Variants in SOCS7 observed in about 807,000 individuals in gnomAD.
The protein encoded by SOCS7 is suppressor of cytokine signaling 7.
SOCS7 carries 18 observed loss-of-function variants against 58.9 expected under a neutral mutation model. The observed-to-expected ratio is 0.31, with a 90% confidence interval of 0.21 to 0.45. The LOEUF (loss-of-function observed/expected upper bound fraction) is 0.45. SOCS7 is among the 20% of genes least tolerant of loss of function. The probability of loss-of-function intolerance (pLI) is 1.00; values close to 1 mark genes in which losing one functional copy is unlikely to be tolerated. For missense variants in SOCS7, 667 were observed against 837.3 expected, an observed-to-expected ratio of 0.80 and a Z score of 2.51; for synonymous variants, 388 against 364.3, an observed-to-expected ratio of 1.06 and a Z score of -0.74.
intron 7 of SOCS7, among the ~76,000 whole-genome samples, chr17:38,380,700 A>T (rs901941882): frequency 1.3e-5 from 2 of 151,834 alleles, no homozygotes; most frequent in Non-Finnish European, 2.9e-5. Context: ...CTCTACTAAA[A>T]ATACAAAAAT....
At chr17:38,378,284 T>C (rs1159346104) in intron 7 of SOCS7, among the ~76,000 whole-genome samples, 8 of 152,056 alleles carry the variant, frequency 5.3e-5, no homozygotes, top group African/African-American at 1.9e-4. Context: ...ATGCCTGTAA[T>C]CCCAGCACTT....
chr17:38,370,885 G>A (rs1454689660), intron 6 of SOCS7, among the ~76,000 whole-genome samples: 2 of 152,080 alleles, frequency 1.3e-5, no homozygotes, highest in Non-Finnish European at 2.9e-5. Flanking sequence ...TCCTGACCTT[G>A]TGATCCGCCT....
chr17:38,387,687 T>C, intron 7 of SOCS7, among the ~76,000 whole-genome samples: 1 of 95,618 alleles, frequency 1.0e-5, no homozygotes, highest in African/African-American at 6.4e-5. Flanking sequence ...TTTATATATT[T>C]ATATATTTAT....
chr17:38,358,910 G>A (rs587670802), intron 1 of SOCS7, among the ~76,000 whole-genome samples: 2 of 152,132 alleles, frequency 1.3e-5, no homozygotes, highest in African/African-American at 2.4e-5. Flanking sequence ...TGCCGGGGGT[G>A]GGGGAGAAGA....
At chr17:38,387,396 G>A (rs984015143) in intron 7 of SOCS7, among the ~76,000 whole-genome samples, 37 of 145,568 alleles carry the variant, frequency 2.5e-4, no homozygotes, top group African/African-American at 8.4e-4. Flanking sequence ...ACAGTGAGCC[G>A]AGATCACCCC....
At chr17:38,384,138 TA>T (rs1342428057) in intron 7 of SOCS7, among the ~76,000 whole-genome samples, 2 of 152,212 alleles carry the variant, frequency 1.3e-5, no homozygotes, top group African/African-American at 4.8e-5. Context: ...CCTGGCTTAT[TA>T]CCTGCTTTAT....
chr17:38,360,427 G>A (rs1008941819), intron 1 of SOCS7, among the ~76,000 whole-genome samples: 1 of 152,100 alleles, frequency 6.6e-6, no homozygotes, highest in African/African-American at 2.4e-5. Context: ...TCCTGACCTT[G>A]TGATCTGCCC....
chr17:38,366,566 C>G, intron 5 of SOCS7, 149 bp downstream of exon 5: 1 of 960,988 alleles, frequency 1.0e-6, no homozygotes, highest in Non-Finnish European at 1.5e-6. Flanking sequence ...ATAATCATAG[C>G]TCACTGTAGG....
chr17:38,402,288 G>A lies in SOCS7; in HGVS notation c.*2806G>A, dbSNP rs563402118. 12 of 152,552 alleles carry A rather than the reference G, an allele frequency of 7.9e-5. No individual in the cohort carries two copies. The highest frequency in any genetic ancestry group is 2.7e-4 in the African/African-American group (11 of 41,460). 9.4% of individuals were successfully genotyped at this position (152,552 alleles called of 1,614,324 possible). The stretch of plus-strand genomic sequence containing the variant: ...GCACAGAGCAGTTAGGGGAAGATGA[G>A]GGGGAGGCATGGGGCTGGGCCAGCT... On this transcript the variant is annotated 3_prime_UTR_variant, in exon 10 of 10. Coordinates refer to ENST00000612932, the MANE Select transcript of SOCS7 (RefSeq NM_014598.4).
chr17:38,361,582 A>C, intron 1 of SOCS7, 129 bp from the exon 2 acceptor site: 1 of 767,662 alleles, frequency 1.3e-6, no homozygotes, highest in Non-Finnish European at 2.4e-6. Context: ...CTGTATTACA[A>C]GAGTGTTGCT....
At chr17:38,386,323 CAAAAAA>C (rs548448434) in intron 7 of SOCS7, among the ~76,000 whole-genome samples, 11 of 51,800 alleles carry the variant, frequency 2.1e-4, no homozygotes, top group African/African-American at 8.4e-4. Flanking sequence ...GGCTGTGTCT[CAAAAAA>C]AAAAAAAAAA....
At chr17:38,365,857 G>A in intron 4 of SOCS7, 5 of 373,750 alleles carry the variant, frequency 1.3e-5, no homozygotes, top group Non-Finnish European at 1.9e-5. Flanking sequence ...AGTACCCAAG[G>A]AATAAAATGA....
Position 38,352,956 on chromosome 17 carries a change from T to C in SOCS7, c.904T>C (p.Ser302Pro). 1 of 1,608,064 alleles carries C rather than the reference T, an allele frequency of 6.2e-7. No homozygotes were observed. The highest frequency in any genetic ancestry group is 8.5e-7 in the Non-Finnish European group (1 of 1,178,578). ...TGGGGATGGGACCGGCAAGAGGCCT[T>C]CTGGAGAGCTGGCTGCTTCAGCTGC... is the stretch of plus-strand genomic sequence containing the variant. ...GGGDGTGKRP[S>P]GELAASAASL... The change falls in exon 1 of 10, where the codon TCT becomes CCT. Residue 302 changes from serine to proline, a missense_variant. By Grantham distance (74) the Ser-to-Pro change is moderately conservative. Transcript: ENST00000612932. The surrounding 1 kb of genome is among the most constrained non-coding windows in gnomAD (Gnocchi z 5.5).
intron 4 of SOCS7, chr17:38,366,064 G>A (rs747763614): frequency 7.8e-7 from 1 of 1,273,964 alleles, no homozygotes. Flanking sequence ...CCCCTTTCTT[G>A]GGGTCAAGTG....
rs1262107219 is a variant in SOCS7 at position 38,351,922 on chromosome 17, A to G, written c.-131A>G. On this transcript the variant is annotated 5_prime_UTR_variant, in exon 1 of 10. It removes an upstream start codon present in the reference 5' UTR. Transcript: ENST00000612932. ...CTCCGCGCGCCCCCCGCCCCCCTCT[A>G]TGAGGCAGAGGCCGCGGCGGCCGTT... Among the ~76,000 whole-genome samples, 2 of 150,292 alleles carry G rather than the reference A, an allele frequency of 1.3e-5. No individual in the cohort carries two copies. Among genetic ancestry groups the G allele is most frequent in the Admixed American group, 1.3e-4 (2 of 15,178 alleles).
chr17:38,383,690 G>A (rs771848740), intron 7 of SOCS7, among the ~76,000 whole-genome samples: 12 of 151,974 alleles, frequency 7.9e-5, no homozygotes, highest in Non-Finnish European at 1.8e-4. Context: ...GATTATAGGC[G>A]CCCACCATCA....
At chr17:38,363,231 A>G (rs1365541918) in intron 2 of SOCS7, among the ~76,000 whole-genome samples, 1 of 152,230 alleles carries the variant, frequency 6.6e-6, no homozygotes, top group African/African-American at 2.4e-5. Context: ...CTGGCCTGTC[A>G]GGAAATACAC....
rs61744884 is a variant in SOCS7, at chr17:38,395,334, G to A, written c.1707G>A (p.Leu569=). Reference sequence around the variant, plus strand: ...GACTGCCACCAACTCCTGTCCAGCTGCTCTATCCAGTGTCCCGATTCAGCA... The same window carrying A: ...GACTGCCACCAACTCCTGTCCAGCTACTCTATCCAGTGTCCCGATTCAGCA... The part of the protein sequence containing the change: ...VPGLPPTPVQ[L]LYPVSRFSNV... Residue 569 remains leucine (L), a synonymous_variant, in exon 8 of 10, where the codon CTG becomes CTA. Coordinates refer to ENST00000612932, the MANE Select transcript of SOCS7 (RefSeq NM_014598.4). 7.2e-5 allele frequency: 116 copies of A among 1,614,138 alleles called. No homozygotes were observed. The African/African-American group carries it at 1.2e-3, about 16-fold the overall frequency.
At position 38,396,014 on chromosome 17, in the gene SOCS7, C is replaced by T; in HGVS notation, c.*30+16C>T. 3.2e-6 allele frequency: 5 copies of T among 1,550,928 alleles called. No homozygotes were observed. The highest frequency in any genetic ancestry group is 3.5e-6 in the Non-Finnish European group (4 of 1,158,662). On this transcript the variant is annotated intron_variant, in intron 9 of 9. Coordinates refer to ENST00000612932, the MANE Select transcript of SOCS7 (RefSeq NM_014598.4). ...ACCACCAAGGGTATGAGCTCTCTGCCTCACTGCCCAGCCACATTTCTTCCT... is the reference window on the plus strand; with the variant it reads ...ACCACCAAGGGTATGAGCTCTCTGCTTCACTGCCCAGCCACATTTCTTCCT...
Sources: gnomAD v4.1 joint callset for allele counts (sites outside exome capture counted in the v4.1 genomes callset) on GRCh38, gnomAD v4.1.1 for gene constraint, Gnocchi (gnomAD v3.1) non-coding constraint, MANE v1.5 for transcripts, NCBI Gene and HGNC (gene_info 2026-07-23, HGNC 2026-07-21) for gene names.